PREX2: variants seen among roughly 807,000 people sequenced by gnomAD.
The protein encoded by PREX2 is phosphatidylinositol-3,4,5-trisphosphate dependent Rac exchange factor 2, also known as phosphatidylinositol 3,4,5-trisphosphate-dependent Rac exchanger 2 protein.
PREX2 carries 107 observed loss-of-function variants against 203.2 expected under a neutral mutation model. The observed-to-expected ratio is 0.53, with a 90% CI of 0.45 to 0.62. The LOEUF is 0.62. Ranked by LOEUF, PREX2 falls within the 20% of genes least tolerant of loss-of-function variation. The pLI, the probability that PREX2 is intolerant of heterozygous loss-of-function variation, is 0.00. For synonymous variants in PREX2, 672 were observed against 663.6 expected, an observed-to-expected ratio of 1.01 and a Z score of -0.19; for missense variants, 1,777 against 1,955.9, an observed-to-expected ratio of 0.91 and a Z score of 1.72.
rs190451123 is a variant in PREX2 at position 67,966,968 on chromosome 8, A to G, written c.141+14433A>G. Reference sequence around the variant, plus strand: ...GATAAATGAGTAAAATATATGATGTATTAGCTAGTCTAAGTGCCTGGGAGA... The same window carrying G: ...GATAAATGAGTAAAATATATGATGTGTTAGCTAGTCTAAGTGCCTGGGAGA... On this transcript the variant is annotated intron_variant, in intron 1 of 39. Transcript: ENST00000288368. 4.8e-4 allele frequency among the ~76,000 whole-genome samples: 73 copies of G among 152,364 alleles called. 1 individual carries two copies. Among genetic ancestry groups the G allele is most frequent in the African/African-American group, 1.7e-3 (70 of 41,600 alleles).
At chr8:68,037,914 C>T (rs541801954) in intron 6 of PREX2, among the ~76,000 whole-genome samples, 2 of 152,212 alleles carry the variant, frequency 1.3e-5, no homozygotes, top group East Asian at 3.9e-4. Context: ...TGTGTATGTA[C>T]ACAACACACC....
chr8:68,089,055 T>A (rs1339760942), intron 19 of PREX2, among the ~76,000 whole-genome samples: 1 of 152,152 alleles, frequency 6.6e-6, no homozygotes, highest in African/African-American at 2.4e-5. Context: ...GGCACTGTAA[T>A]TTTGCCACAA....
chr8:67,960,349 G>T (rs532918688), intron 1 of PREX2, among the ~76,000 whole-genome samples: 46 of 151,430 alleles, frequency 3.0e-4, no homozygotes, highest in African/African-American at 9.0e-4. Context: ...GCCGGAAGTG[G>T]TTTTTTTTTC....
intron 1 of PREX2, among the ~76,000 whole-genome samples, chr8:68,015,735 G>T (rs537139558): frequency 6.6e-6 from 1 of 152,106 alleles, no homozygotes; most frequent in Admixed American, 6.6e-5. Context: ...GAACATTTTT[G>T]CGATGAGTAT....
chr8:68,027,315 ATT>A lies in PREX2; in HGVS notation c.538_539del (p.Leu180GlufsTer13), dbSNP rs1457159478. On this transcript the variant is annotated frameshift_variant, in exon 5 of 40. Coordinates refer to ENST00000288368, the MANE Select transcript of PREX2 (RefSeq NM_024870.4). LOFTEE classifies it high-confidence loss of function. ...ACAAAGAATATGCAAGTACCCTCTT[ATT>A]TTGAAGGTATTTTATGTGCTACCTC... Reference protein sequence around the residue: ...PIQRICKYPLILKELLKRTPR... With the variant: ...PIQRICKYPLXLKELLKRTPR... The A allele has an allele frequency of 6.3e-7, 1 of 1,585,704 alleles. No individual in the cohort carries two copies. Among genetic ancestry groups the A allele is most frequent in the Admixed American group, 1.7e-5 (1 of 59,832 alleles).
At chr8:68,220,660 G>A (rs1427786442) in intron 38 of PREX2, among the ~76,000 whole-genome samples, 1 of 152,094 alleles carries the variant, frequency 6.6e-6, no homozygotes, top group East Asian at 1.9e-4. Context: ...TCAAGACTCA[G>A]AACAGGGAGC....
chr8:68,118,732 A>AATTT (rs1350828498), intron 27 of PREX2, 88 bp downstream of exon 27: 5 of 970,058 alleles, frequency 5.2e-6, no homozygotes. Flanking sequence ...GATCCATATG[A>AATTT]ATTTTTATTT....
At chr8:68,184,168 C>G (rs1812140438) in intron 35 of PREX2, among the ~76,000 whole-genome samples, 1 of 152,180 alleles carries the variant, frequency 6.6e-6, no homozygotes, top group South Asian at 2.1e-4. Flanking sequence ...CCTTTCCACT[C>G]ATCGTCGTGT....
intron 37 of PREX2, among the ~76,000 whole-genome samples, chr8:68,202,327 G>A (rs1410108107): frequency 5.9e-5 from 9 of 152,296 alleles, no homozygotes; most frequent in African/African-American, 2.2e-4. Context: ...GCGAAGCAGC[G>A]CTGAGAGGAA....
Position 68,099,812 on chromosome 8 carries a change from A to G in PREX2, c.2684A>G (p.His895Arg). Residue 895 changes from histidine (H) to arginine (R), a missense_variant, in exon 23 of 40, where the codon CAC becomes CGC. Physicochemically the swap from His to Arg is conservative, Grantham distance 29. Transcript: ENST00000288368. Reference sequence around the variant, plus strand: ...GCCCTTTGCAGTGAAAGAATTGAACACCTATGTCAGAGAATATCCAGTTAT... The same window carrying G: ...GCCCTTTGCAGTGAAAGAATTGAACGCCTATGTCAGAGAATATCCAGTTAT... The part of the protein sequence containing the change: ...FSALCSERIE[H>R]LCQRISSYKK... 1 of 1,612,302 alleles carries G rather than the reference A, an allele frequency of 6.2e-7. No homozygotes were observed. The highest frequency in any genetic ancestry group is 8.5e-7 in the Non-Finnish European group (1 of 1,178,424).
At chr8:67,966,620 AAC>A (rs1325219421) in intron 1 of PREX2, among the ~76,000 whole-genome samples, 1 of 152,118 alleles carries the variant, frequency 6.6e-6, no homozygotes, top group East Asian at 1.9e-4. Context: ...AACAACAAAA[AAC>A]AACAACAACA....
At chr8:68,026,809 T>C (rs1052123479) in intron 4 of PREX2, among the ~76,000 whole-genome samples, 1 of 152,134 alleles carries the variant, frequency 6.6e-6, no homozygotes, top group African/African-American at 2.4e-5. Context: ...GAGCCTGAGT[T>C]AGAACCCAAC....
intron 13 of PREX2, among the ~76,000 whole-genome samples, chr8:68,071,452 G>A (rs567519860): frequency 6.6e-6 from 1 of 152,272 alleles, no homozygotes; most frequent in Non-Finnish European, 1.5e-5. Context: ...CATGGAGATA[G>A]ATTTAAAGAA....
chr8:68,219,771 A>C (rs1812917961), intron 38 of PREX2, among the ~76,000 whole-genome samples: 3 of 152,330 alleles, frequency 2.0e-5, no homozygotes, highest in Admixed American at 1.3e-4. Context: ...CAGCAGTAGC[A>C]GACAGTGAGA....
At chr8:68,135,099 T>TGTG (rs58263470) in intron 32 of PREX2, among the ~76,000 whole-genome samples, 129 of 148,900 alleles carry the variant, frequency 8.7e-4, no homozygotes, top group African/African-American at 2.5e-3. Flanking sequence ...AAAACAAATT[T>TGTG]TGTGTGTGTG....
chr8:67,979,452 T>G (rs1806203579), intron 1 of PREX2, among the ~76,000 whole-genome samples: 1 of 152,178 alleles, frequency 6.6e-6, no homozygotes, highest in Non-Finnish European at 1.5e-5. Context: ...ATAAGCCAGG[T>G]CTGATTATTT....
chr8:68,215,063 C>T (rs1222654705), intron 37 of PREX2, among the ~76,000 whole-genome samples: 1 of 152,150 alleles, frequency 6.6e-6, no homozygotes, highest in Non-Finnish European at 1.5e-5. Flanking sequence ...GGTTGCAAAT[C>T]ACACTTGGAG....
At chr8:68,063,136 C>T (rs956073362) in intron 11 of PREX2, among the ~76,000 whole-genome samples, 9 of 152,090 alleles carry the variant, frequency 5.9e-5, no homozygotes, top group Admixed American at 4.6e-4. Flanking sequence ...AACATTATGA[C>T]TATTATATAC....
intron 35 of PREX2, among the ~76,000 whole-genome samples, chr8:68,170,501 C>T (rs1811855561): frequency 6.6e-6 from 1 of 152,214 alleles, no homozygotes; most frequent in Admixed American, 6.5e-5. Flanking sequence ...TTATAGCCTT[C>T]ATCCTAGTTG....
Sources: gnomAD v4.1 joint callset for allele counts (sites outside exome capture counted in the v4.1 genomes callset) on GRCh38, gnomAD v4.1.1 for gene constraint, MANE v1.5 for transcripts, NCBI Gene and HGNC (gene_info 2026-07-23, HGNC 2026-07-21) for gene names.